Variants in LMX1B observed in about 807,000 individuals in gnomAD.
LMX1B encodes the protein LIM homeobox transcription factor 1 beta.
In LMX1B, 12 loss-of-function variants were observed where a neutral mutation model predicts 51.4. The ratio of observed to expected loss-of-function variants is 0.23; its 90% CI spans 0.15 to 0.38. The LOEUF (loss-of-function observed/expected upper bound fraction) is 0.38. Ranked by LOEUF, LMX1B falls within the 10% of genes least tolerant of loss-of-function variation. The probability of loss-of-function intolerance (pLI) is 1.00; values close to 1 mark genes in which losing one functional copy is unlikely to be tolerated. For synonymous variants in LMX1B, 237 were observed against 235.4 expected (o/e 1.01, Z -0.06); for missense variants, 445 against 571.1 (o/e 0.78, Z 2.25).
chr9:126,615,301 G>A lies in LMX1B; in HGVS notation c.140-82G>A, dbSNP rs570918047. 313 of 1,166,842 alleles carry A rather than the reference G, an allele frequency of 2.7e-4. 1 individual carries two copies. The African/African-American group carries it at 4.9e-3, about 18-fold the overall frequency. 72.3% of individuals were successfully genotyped at this position (1,166,842 alleles called of 1,614,324 possible). Reference sequence around the variant, plus strand: ...GGGCGGCCCGAGCCCTCGGGGCCGAGGGCTGTGGGCCCGGTGCGACCGGGA... The same window carrying A: ...GGGCGGCCCGAGCCCTCGGGGCCGAAGGCTGTGGGCCCGGTGCGACCGGGA... On this transcript the variant is annotated intron_variant, in intron 1 of 7. Transcript: ENST00000373474. This position sits in a 1 kb window ranked among gnomAD's most constrained non-coding sequence, Gnocchi z 6.0.
At chr9:126,616,103 G>A (rs776095148) in intron 2 of LMX1B, among the ~76,000 whole-genome samples, 18 of 152,198 alleles carry the variant, frequency 1.2e-4, no homozygotes, top group Non-Finnish European at 2.1e-4. Flanking sequence ...GGAGAGAAAA[G>A]AATGTCCATA....
chr9:126,650,055 G>A (rs541675954), intron 2 of LMX1B, among the ~76,000 whole-genome samples: 4 of 152,158 alleles, frequency 2.6e-5, no homozygotes, highest in Admixed American at 1.3e-4. Flanking sequence ...TCTCAGCTTG[G>A]TGAGCCCCTG....
intron 2 of LMX1B, among the ~76,000 whole-genome samples, chr9:126,632,944 C>T (rs1205390645): frequency 6.6e-6 from 1 of 152,244 alleles, no homozygotes; most frequent in Non-Finnish European, 1.5e-5. Context: ...CCTGCCTTTT[C>T]ATTCTGTGCT....
In LMX1B at chr9:126,632,975, C is replaced by T. The variant is rs1835657447; in HGVS notation, c.326+17406C>T. Among the ~76,000 whole-genome samples, 3 of 152,264 alleles carry T rather than the reference C, an allele frequency of 2.0e-5. No individual in the cohort carries two copies. The South Asian group carries it at 6.2e-4, about 31-fold the overall frequency. ...GTGCTGAGCCCCGCAGGCGAGCCCCCAGCTCACCTGCCATTCCCACATGTC... is the reference window on the plus strand; with the variant it reads ...GTGCTGAGCCCCGCAGGCGAGCCCCTAGCTCACCTGCCATTCCCACATGTC... On this transcript the variant is annotated intron_variant, in intron 2 of 7. Coordinates refer to ENST00000373474, the MANE Select transcript of LMX1B (RefSeq NM_001174147.2).
At chr9:126,657,226 C>T (rs548588607) in intron 2 of LMX1B, among the ~76,000 whole-genome samples, 2 of 152,352 alleles carry the variant, frequency 1.3e-5, no homozygotes, top group South Asian at 4.1e-4. Flanking sequence ...CAAAGGTAGA[C>T]ATCACCAGCT....
intron 2 of LMX1B, among the ~76,000 whole-genome samples, chr9:126,661,473 G>C (rs1477795627): frequency 6.6e-6 from 1 of 152,198 alleles, no homozygotes; most frequent in Non-Finnish European, 1.5e-5. Context: ...CAGAGGCTGA[G>C]CCGAAGCACA....
rs1003965777 is a variant in LMX1B, at chr9:126,614,581, G to A, written c.132G>A (p.Val44=). Reference sequence around the variant, plus strand: ...GCCCCGGGCCCGCCACTCTGGGGGTGCTGCTGGGTGAGTGCGGGGTCGGAA... The same window carrying A: ...GCCCCGGGCCCGCCACTCTGGGGGTACTGCTGGGTGAGTGCGGGGTCGGAA... ...ALRPGPATLG[V]LLGSDCPHPA... The change falls in exon 1 of 8, where the codon GTG becomes GTA. Residue 44 remains valine (V), a synonymous_variant. Coordinates refer to ENST00000373474, the MANE Select transcript of LMX1B (RefSeq NM_001174147.2). The A allele has an allele frequency of 3.8e-6, 6 of 1,599,554 alleles. No homozygotes were observed. Among genetic ancestry groups the A allele is most frequent in the African/African-American group, 1.3e-5 (1 of 74,564 alleles).
chr9:126,656,124 A>G lies in LMX1B; in HGVS notation c.327-34712A>G, dbSNP rs76833884. On this transcript the variant is annotated intron_variant, in intron 2 of 7. Coordinates refer to ENST00000373474, the MANE Select transcript of LMX1B (RefSeq NM_001174147.2). The stretch of plus-strand genomic sequence containing the variant: ...TGAGAGAGAGAATTCACATTGTCTG[A>G]CCACAGGAGGCTGATGAGTTCATTG... Among the ~76,000 whole-genome samples, 1,064 of 152,324 alleles carry G rather than the reference A, an allele frequency of 7.0e-3. 13 individuals are homozygous for G. Among genetic ancestry groups the G allele is most frequent in the African/African-American group, 0.024 (1,017 of 41,554 alleles).
At chr9:126,664,422 T>TTA (rs1301685985) in intron 2 of LMX1B, among the ~76,000 whole-genome samples, 1 of 152,032 alleles carries the variant, frequency 6.6e-6, no homozygotes, top group African/African-American at 2.4e-5. Flanking sequence ...GGGGAGGCAG[T>TTA]TATACCCCTT....
chr9:126,679,943 T>A (rs1050882296), intron 2 of LMX1B, among the ~76,000 whole-genome samples: 1 of 152,142 alleles, frequency 6.6e-6, no homozygotes, highest in Non-Finnish European at 1.5e-5. Flanking sequence ...CACTCTGCCC[T>A]CCACCCGGCT....
intron 2 of LMX1B, among the ~76,000 whole-genome samples, chr9:126,664,202 G>C (rs962802039): frequency 6.6e-6 from 1 of 152,184 alleles, no homozygotes; most frequent in Admixed American, 6.5e-5. Context: ...TCTCACATCT[G>C]TAAAGGGGAG....
chr9:126,682,894 G>GAAAAAA lies in LMX1B; in HGVS notation c.327-7926_327-7921dup, dbSNP rs577172677. Reference sequence around the variant, plus strand: ...TGGGTGACAGAGAGGCACTCTGTCTGAAAAAAAAAAAAAAAAAAAAAGAAA... The same window carrying GAAAAAA: ...TGGGTGACAGAGAGGCACTCTGTCTGAAAAAAAAAAAAAAAAAAAAAAAAAAAGAAA... On this transcript the variant is annotated intron_variant, in intron 2 of 7. Transcript: ENST00000373474. Among the ~76,000 whole-genome samples the GAAAAAA allele has an allele frequency of 6.3e-4, 54 of 86,114 alleles. 1 individual carries two copies. The highest frequency in any genetic ancestry group is 1.0e-3 in the South Asian group (2 of 1,988). 56.5% of individuals were successfully genotyped at this position (86,114 alleles called of 152,430 possible). A position where few individuals can be genotyped will look rare whatever the true frequency, so the allele number is the denominator to read the frequency against.
intron 2 of LMX1B, among the ~76,000 whole-genome samples, chr9:126,657,637 C>T (rs1836143848): frequency 1.3e-5 from 2 of 152,218 alleles, no homozygotes; most frequent in Admixed American, 6.5e-5. Flanking sequence ...GGCACGCATG[C>T]CCTGGCTCTG....
At chr9:126,691,392 G>A (rs1202640431) in intron 3 of LMX1B, among the ~76,000 whole-genome samples, 1 of 152,144 alleles carries the variant, frequency 6.6e-6, no homozygotes, top group African/African-American at 2.4e-5. Flanking sequence ...GTACATGTAT[G>A]TGGAGATATG....
intron 2 of LMX1B, among the ~76,000 whole-genome samples, chr9:126,655,280 T>C (rs1836092244): frequency 6.6e-6 from 1 of 152,208 alleles, no homozygotes; most frequent in African/African-American, 2.4e-5. Flanking sequence ...CCCGATGTGG[T>C]GGCCCCCTTC....
rs377327017 is a variant in LMX1B, at chr9:126,675,723, C to CA, written c.327-15103dup. On this transcript the variant is annotated intron_variant, in intron 2 of 7. Coordinates refer to ENST00000373474, the MANE Select transcript of LMX1B (RefSeq NM_001174147.2). ...CTGGCGACAGAGCAAGACTCCATCT[C>CA]AAAAAAAAAATTAAAAAAAAAAAAA... 4.1e-3 allele frequency among the ~76,000 whole-genome samples: 448 copies of CA among 110,528 alleles called. 2 individuals carry two copies. The highest frequency in any genetic ancestry group is 0.014 in the South Asian group (48 of 3,544). 72.5% of individuals were successfully genotyped at this position (110,528 alleles called of 152,430 possible).
intron 2 of LMX1B, among the ~76,000 whole-genome samples, chr9:126,637,648 G>A (rs1835736566): frequency 6.6e-6 from 1 of 152,080 alleles, no homozygotes; most frequent in African/African-American, 2.4e-5. Context: ...GTATGGATGT[G>A]GGCTGGGTGT....
intron 2 of LMX1B, among the ~76,000 whole-genome samples, chr9:126,645,117 CT>C (rs1473310741): frequency 1.3e-5 from 2 of 152,208 alleles, no homozygotes; most frequent in South Asian, 2.1e-4. Flanking sequence ...GGTTCCCCCC[CT>C]ACCACCCACC....
intron 2 of LMX1B, among the ~76,000 whole-genome samples, chr9:126,645,788 T>C (rs1019119462): frequency 1.3e-5 from 2 of 152,112 alleles, no homozygotes; most frequent in African/African-American, 4.8e-5. Context: ...GTTTAAGAGT[T>C]GGAGTTGACT....
Sources: gnomAD v4.1 joint callset for allele counts (sites outside exome capture counted in the v4.1 genomes callset) on GRCh38, gnomAD v4.1.1 for gene constraint, Gnocchi (gnomAD v3.1) non-coding constraint, MANE v1.5 for transcripts, NCBI Gene and HGNC (gene_info 2026-07-23, HGNC 2026-07-21) for gene names.